Variants in ATG14 observed in about 807,000 individuals in gnomAD.
ATG14 encodes the protein autophagy related 14, also known as beclin 1-associated autophagy-related key regulator.
In ATG14, 35 loss-of-function variants were observed where a neutral mutation model predicts 60.4. That is an observed-to-expected ratio of 0.58 (90% CI 0.44 to 0.77). The LOEUF (loss-of-function observed/expected upper bound fraction) is 0.77, where lower values mean the gene tolerates loss of function less well. ATG14 is among the 30% of genes least tolerant of loss of function. The pLI is 0.00. For synonymous variants in ATG14, 234 were observed against 228.8 expected (o/e 1.02, Z -0.21); for missense variants, 647 against 626.3 (o/e 1.03, Z -0.35).
intron 6 of ATG14, 136 bp from the exon 7 acceptor site, chr14:55,380,826 AC>A: frequency 3.0e-6 from 1 of 334,028 alleles, no homozygotes; most frequent in Non-Finnish European, 5.4e-6. Flanking sequence ...ATGCTCCATG[AC>A]CAGACATAAA....
chr14:55,371,588 C>T (rs1884817706), intron 9 of ATG14, among the ~76,000 whole-genome samples: 1 of 151,848 alleles, frequency 6.6e-6, no homozygotes, highest in Non-Finnish European at 1.5e-5. Flanking sequence ...GGGCAGATCA[C>T]GAGGTCAGGA....
chr14:55,410,755 C>T (rs1566587751), intron 1 of ATG14, among the ~76,000 whole-genome samples: 1 of 152,174 alleles, frequency 6.6e-6, no homozygotes, highest in Non-Finnish European at 1.5e-5. Flanking sequence ...ATAAGTCATT[C>T]GGTTGTTGCG....
At chr14:55,375,788 C>G (rs1434058721) in intron 9 of ATG14, among the ~76,000 whole-genome samples, 3 of 152,152 alleles carry the variant, frequency 2.0e-5, no homozygotes, top group Non-Finnish European at 2.9e-5. Context: ...CTTGGCAAGG[C>G]CTTCAGAGCT....
rs556136426 is a variant in ATG14, at chr14:55,385,784, A to G, written c.647+75T>C. ...ATGACCCTAGAATAAGACCCAATAA[A>G]TAAGGTAATGACATACTTTAAAAAG... On this transcript the variant is annotated intron_variant, in intron 5 of 9. Coordinates refer to ENST00000247178, the MANE Select transcript of ATG14 (RefSeq NM_014924.5). 53 of 1,249,992 alleles carry G rather than the reference A, an allele frequency of 4.2e-5. No individual in the cohort carries two copies. The South Asian group carries it at 6.5e-4, about 15-fold the overall frequency. 77.4% of individuals were successfully genotyped at this position (1,249,992 alleles called of 1,614,324 possible). A position where few individuals can be genotyped will look rare whatever the true frequency, so the allele number is the denominator to read the frequency against.
chr14:55,371,803 C>CA (rs1884824594), intron 9 of ATG14, among the ~76,000 whole-genome samples: 1 of 149,764 alleles, frequency 6.7e-6, no homozygotes, highest in Admixed American at 6.6e-5. Context: ...GACTCTGTCT[C>CA]AAAAAACAAA....
Position 55,410,568 on chromosome 14 carries a change from C to T in ATG14, c.221+1034G>A, listed in dbSNP as rs148165830. Reference sequence around the variant, plus strand: ...AAGAGAAAGGAAAGAACTCCATCCACGATCACAGAAATACTAAGAACTCAA... The same window carrying T: ...AAGAGAAAGGAAAGAACTCCATCCATGATCACAGAAATACTAAGAACTCAA... On this transcript the variant is annotated intron_variant, in intron 1 of 9. Transcript: ENST00000247178. Among the ~76,000 whole-genome samples, 541 of 152,324 alleles carry T rather than the reference C, an allele frequency of 3.6e-3. 7 individuals carry two copies. Among genetic ancestry groups the T allele is most frequent in the African/African-American group, 0.012 (515 of 41,588 alleles).
chr14:55,407,173 G>A (rs961054736), intron 1 of ATG14, among the ~76,000 whole-genome samples: 4 of 152,110 alleles, frequency 2.6e-5, no homozygotes, highest in Non-Finnish European at 4.4e-5. Context: ...TCTCTCGCCA[G>A]GCTGGAGTGC....
At chr14:55,409,272 C>T (rs1203659441) in intron 1 of ATG14, among the ~76,000 whole-genome samples, 3 of 152,138 alleles carry the variant, frequency 2.0e-5, no homozygotes, top group Admixed American at 6.5e-5. Flanking sequence ...AATACTGAAA[C>T]GGTCTAGAAA....
intron 9 of ATG14, among the ~76,000 whole-genome samples, chr14:55,374,833 C>T (rs753211519): frequency 5.3e-5 from 8 of 152,138 alleles, no homozygotes; most frequent in Non-Finnish European, 8.8e-5. Context: ...GAGTCTGTTT[C>T]GGGACTATTT....
rs1180584380 is a variant in ATG14 at position 55,411,791 on chromosome 14, G to A, written c.32C>T (p.Ala11Val). The change falls in exon 1 of 10, where the codon GCG (alanine) becomes GTG (valine). Residue 11 changes from alanine (A) to valine (V), a missense_variant. Physicochemically the swap from Ala to Val is moderately conservative, Grantham distance 64. Transcript: ENST00000247178. MASPSGKGARALEAPGCGPRP... is the reference protein window; with the variant it reads MASPSGKGARVLEAPGCGPRP... ...GGGCCCGCAGCCAGGAGCCTCCAGC[G>A]CCCGGGCTCCCTTCCCACTGGGAGA... 2.5e-6 allele frequency: 4 copies of A among 1,600,624 alleles called. No homozygotes were observed. Among genetic ancestry groups the A allele is most frequent in the Admixed American group, 1.7e-5 (1 of 58,134 alleles).
chr14:55,411,692 G>A lies in ATG14; in HGVS notation c.131C>T (p.Pro44Leu), dbSNP rs750202574. 3 of 1,613,122 alleles carry A rather than the reference G, an allele frequency of 1.9e-6. No individual in the cohort carries two copies. Among genetic ancestry groups the A allele is most frequent in the Non-Finnish European group, 2.5e-6 (3 of 1,179,798 alleles). Reference sequence around the variant, plus strand: ...CCGCCGGCGGGTAGTGTTGCACAGCGGGCAGCGCTCCACAGCCACGTACAG... The same window carrying A: ...CCGCCGGCGGGTAGTGTTGCACAGCAGGCAGCGCTCCACAGCCACGTACAG... ...EGLYVAVERC[P>L]LCNTTRRRLT... Residue 44 changes from proline (P) to leucine (L), a missense_variant, in exon 1 of 10, where the codon CCG becomes CTG. Physicochemically the swap from Pro to Leu is moderately conservative, Grantham distance 98 (BLOSUM62 -3). Transcript: ENST00000247178.
chr14:55,399,526 A>G (rs1466291986), intron 1 of ATG14, among the ~76,000 whole-genome samples: 5 of 152,220 alleles, frequency 3.3e-5, no homozygotes, highest in Admixed American at 3.3e-4. Context: ...ATGTACCTGC[A>G]ACACAAAACA....
intron 7 of ATG14, among the ~76,000 whole-genome samples, chr14:55,379,855 G>A (rs1354816191): frequency 6.6e-6 from 1 of 152,158 alleles, no homozygotes; most frequent in Non-Finnish European, 1.5e-5. Context: ...CCAAATAGCT[G>A]GGATACAGGC....
chr14:55,388,696 C>T (rs1043322163), intron 4 of ATG14, among the ~76,000 whole-genome samples: 4 of 152,176 alleles, frequency 2.6e-5, no homozygotes, highest in Non-Finnish European at 5.9e-5. Flanking sequence ...TCAACAACAA[C>T]AAGCTCTTAA....
At chr14:55,400,840 G>T (rs993934444) in intron 1 of ATG14, among the ~76,000 whole-genome samples, 2 of 151,892 alleles carry the variant, frequency 1.3e-5, no homozygotes, top group Admixed American at 1.3e-4. Context: ...GGAAGCGGAG[G>T]TTGCAGTGAG....
At position 55,366,642 on chromosome 14, in the gene ATG14, C is replaced by CTCAG. The variant is rs1884685537; in HGVS notation, c.*2976_*2977insCTGA. On this transcript the variant is annotated 3_prime_UTR_variant, in exon 10 of 10. Transcript: ENST00000247178. ...CCCCTTACAGATGTGCAAAACTTTT[C>CTCAG]TTATATTCCATAACCAAAAAATGTC... 1 of 151,826 alleles carries CTCAG rather than the reference C, an allele frequency of 6.6e-6. No individual in the cohort carries two copies. The highest frequency in any genetic ancestry group is 2.4e-5 in the African/African-American group (1 of 41,248). The allele number at this position is 151,826 out of a possible 1,614,324, so 9.4% of individuals were successfully genotyped here. A position where few individuals can be genotyped will look rare whatever the true frequency, so the allele number is the denominator to read the frequency against.
At chr14:55,405,438 T>C (rs1235902030) in intron 1 of ATG14, among the ~76,000 whole-genome samples, 1 of 152,242 alleles carries the variant, frequency 6.6e-6, no homozygotes, top group Non-Finnish European at 1.5e-5. Context: ...TAATGTGGCA[T>C]CATTCCTGAA....
At chr14:55,401,001 AT>A (rs1885389766) in intron 1 of ATG14, among the ~76,000 whole-genome samples, 1 of 152,088 alleles carries the variant, frequency 6.6e-6, no homozygotes, top group Non-Finnish European at 1.5e-5. Context: ...ATTGTGGGCA[AT>A]CCTCAAATTT....
intron 3 of ATG14, among the ~76,000 whole-genome samples, chr14:55,393,186 C>G (rs1206607215): frequency 6.6e-6 from 1 of 151,938 alleles, no homozygotes; most frequent in Non-Finnish European, 1.5e-5. Flanking sequence ...TTGAGACCAT[C>G]CTGGCTAACA....
Sources: allele counts gnomAD v4.1 joint callset (sites outside exome capture counted in the v4.1 genomes callset), GRCh38; gene constraint gnomAD v4.1.1; transcripts MANE v1.5; gene names NCBI Gene and HGNC (gene_info 2026-07-23, HGNC 2026-07-21).